SYNE2: variants seen among roughly 807,000 people sequenced by gnomAD.
SYNE2 encodes the protein nesprin-2.
Under a neutral mutation model 856.3 loss-of-function variants are expected in SYNE2, and 431 were observed. That is an observed-to-expected ratio of 0.50 (90% CI 0.47 to 0.55). SYNE2 has a LOEUF of 0.55. Among genes scored for constraint, SYNE2 ranks in the 20% least tolerant of loss-of-function variants. The pLI, the probability that SYNE2 is intolerant of heterozygous loss-of-function variation, is 0.00. For missense variants in SYNE2, 8,129 were observed against 8,023.2 expected, an observed-to-expected ratio of 1.01 and a Z score of -0.50; for synonymous variants, 2,923 against 2,872.3, an observed-to-expected ratio of 1.02 and a Z score of -0.56.
chr14:63,898,007 T>G (rs2095281080), intron 1 of SYNE2, among the ~76,000 whole-genome samples: 1 of 152,204 alleles, frequency 6.6e-6, no homozygotes. Flanking sequence ...AAATTGGAAC[T>G]TTGTCTTATC....
chr14:64,043,192 A>G (rs2097161282), intron 45 of SYNE2, among the ~76,000 whole-genome samples: 1 of 152,230 alleles, frequency 6.6e-6, no homozygotes, highest in Non-Finnish European at 1.5e-5. Context: ...GGTGGAAGAA[A>G]TGTCTAAGCA....
chr14:64,130,275 C>A (rs779831823), intron 76 of SYNE2, 27 bp downstream of exon 76: 3 of 1,583,962 alleles, frequency 1.9e-6, no homozygotes, highest in African/African-American at 2.7e-5. Flanking sequence ...GGTCGGGTGA[C>A]CCCTTCATAG....
At chr14:64,186,041 CTT>C (rs1173564897) in intron 96 of SYNE2, among the ~76,000 whole-genome samples, 1 of 152,088 alleles carries the variant, frequency 6.6e-6, no homozygotes, top group Admixed American at 6.6e-5. Flanking sequence ...GAAAATCACA[CTT>C]TATCTGAAAT....
At chr14:63,779,675 G>A (rs932546291) in intron 1 of SYNE2, among the ~76,000 whole-genome samples, 1 of 152,154 alleles carries the variant, frequency 6.6e-6, no homozygotes, top group Non-Finnish European at 1.5e-5. Flanking sequence ...ACTTTGGGAG[G>A]CTAAGGTGAG....
Position 64,090,948 on chromosome 14 carries a change from C to G in SYNE2, c.11876C>G (p.Thr3959Arg), listed in dbSNP as rs149790389. ...SYQVELRLPQ[T>R]GMKPLPVFQR... is the part of the protein sequence containing the mutation. ...CAAGTGGAACTGAGGTTGCCCCAAA[C>G]AGGAATGAAACCTCTGCCTGTGTTT... The change falls in exon 60 of 116, where the codon ACA becomes AGA. Residue 3959 changes from threonine (T) to arginine (R), a missense_variant. Thr to Arg is a moderately conservative substitution (Grantham distance 71). Around this residue, in one of 3 missense-constraint regions of SYNE2, gnomAD observed 5,410 missense variants for 5,284.8 expected, o/e 1.02. Transcript: ENST00000555002. The G allele has an allele frequency of 1.7e-5, 28 of 1,613,980 alleles. No individual in the cohort carries two copies. The highest frequency in any genetic ancestry group is 2.7e-5 in the African/African-American group (2 of 74,924).
chr14:63,874,086 CTT>C (rs1566674972), intron 1 of SYNE2: 2 of 152,252 alleles, frequency 1.3e-5, no homozygotes, highest in African/African-American at 4.8e-5. Context: ...TCATCTTCCT[CTT>C]TATCCTGCTG....
chr14:64,058,451 A>G (rs1035634285), intron 49 of SYNE2, among the ~76,000 whole-genome samples: 2 of 151,994 alleles, frequency 1.3e-5, no homozygotes, highest in African/African-American at 4.8e-5. Context: ...CTTTCGACCC[A>G]TTATCTCTCC....
chr14:64,096,182 C>G (rs1308039059), intron 61 of SYNE2, among the ~76,000 whole-genome samples: 1 of 152,122 alleles, frequency 6.6e-6, no homozygotes. Context: ...TACGGCAGCA[C>G]AAATAAACTA....
intron 1 of SYNE2, among the ~76,000 whole-genome samples, chr14:63,895,373 T>G (rs1480884563): frequency 1.3e-5 from 2 of 151,678 alleles, no homozygotes; most frequent in Non-Finnish European, 2.9e-5. Context: ...CCTCCCAAAG[T>G]GCTGGGATTA....
intron 64 of SYNE2, among the ~76,000 whole-genome samples, chr14:64,103,353 CTTTTTT>C (rs61101192): frequency 7.2e-6 from 1 of 138,982 alleles, no homozygotes; most frequent in Non-Finnish European, 1.6e-5. Context: ...TCTCCATAAT[CTTTTTT>C]TTTTTTTTTT....
intron 1 of SYNE2, among the ~76,000 whole-genome samples, chr14:63,796,903 C>T (rs1237104310): frequency 1.3e-5 from 2 of 151,820 alleles, no homozygotes; most frequent in Non-Finnish European, 2.9e-5. Context: ...TATGGTGAAA[C>T]CCTATCTCTA....
intron 21 of SYNE2, among the ~76,000 whole-genome samples, chr14:63,991,575 C>G (rs1347794670): frequency 1.3e-5 from 2 of 152,078 alleles, no homozygotes; most frequent in Non-Finnish European, 2.9e-5. Flanking sequence ...GCATACTTTT[C>G]TATAGTTAAA....
intron 1 of SYNE2, among the ~76,000 whole-genome samples, chr14:63,795,511 A>G (rs894170472): frequency 1.3e-5 from 2 of 152,012 alleles, no homozygotes; most frequent in African/African-American, 4.8e-5. Flanking sequence ...ACTCCCCTTT[A>G]TATATATACA....
chr14:63,846,016 T>A (rs1199186419), intron 1 of SYNE2, among the ~76,000 whole-genome samples: 3 of 151,254 alleles, frequency 2.0e-5, no homozygotes, highest in African/African-American at 7.3e-5. Flanking sequence ...AGTGCTGGGA[T>A]TACAGGCGTG....
intron 110 of SYNE2, 89 bp from the exon 111 acceptor site, chr14:64,220,348 G>T (rs965890914): frequency 5.6e-6 from 8 of 1,418,076 alleles, no homozygotes; most frequent in African/African-American, 1.4e-5. Context: ...GGAAAAGTGT[G>T]TGGAAAATTT....
chr14:64,007,984 T>A lies in SYNE2; in HGVS notation c.4577+762T>A, dbSNP rs1299933208. ...GAGATAGCACCACCGTACTTCAGAG[T>A]GAGACCCTGTCTCGAAAAAAAAAGA... On this transcript the variant is annotated intron_variant, in intron 31 of 115. Coordinates refer to ENST00000555002, the MANE Select transcript of SYNE2 (RefSeq NM_182914.3). 2.0e-5 allele frequency among the ~76,000 whole-genome samples: 3 copies of A among 152,234 alleles called. No individual in the cohort carries two copies. In the South Asian group the frequency reaches 6.2e-4, roughly 32 times the overall value.
intron 1 of SYNE2, among the ~76,000 whole-genome samples, chr14:63,900,447 C>G (rs1038669233): frequency 6.6e-6 from 1 of 152,090 alleles, no homozygotes; most frequent in Non-Finnish European, 1.5e-5. Flanking sequence ...AGAGCTTGTG[C>G]AGGAAAACTC....
At chr14:63,786,158 G>T (rs1887519268) in intron 1 of SYNE2, among the ~76,000 whole-genome samples, 1 of 151,984 alleles carries the variant, frequency 6.6e-6, no homozygotes, top group Non-Finnish European at 1.5e-5. Flanking sequence ...GCTGAGGCAG[G>T]AGACTCTCTT....
At chr14:64,026,977 A>G (rs2096985333) in intron 42 of SYNE2, among the ~76,000 whole-genome samples, 2 of 152,232 alleles carry the variant, frequency 1.3e-5, no homozygotes, top group Non-Finnish European at 2.9e-5. Context: ...ATATGTGAAC[A>G]TTGATAAATG....
Sources: allele counts gnomAD v4.1 joint callset (sites outside exome capture counted in the v4.1 genomes callset), GRCh38; gene constraint gnomAD v4.1.1; regional missense constraint gnomAD v4.1.1; transcripts MANE v1.5; gene names NCBI Gene and HGNC (gene_info 2026-07-23, HGNC 2026-07-21).